The following NALCN variants were observed in gnomAD, a reference collection of about 807,000 sequenced individuals.
NALCN encodes the protein sodium leak channel NALCN.
A neutral mutation model predicts 225.3 loss-of-function variants in NALCN; 111 were observed. That is an observed-to-expected ratio of 0.49 (90% CI 0.42 to 0.58). The LOEUF (loss-of-function observed/expected upper bound fraction) is 0.58. Ranked by LOEUF, NALCN falls within the 20% of genes least tolerant of loss-of-function variation. The pLI, the probability that NALCN is intolerant of heterozygous loss-of-function variation, is 0.00. For synonymous variants in NALCN, 764 were observed against 769.0 expected, an observed-to-expected ratio of 0.99 and a Z score of 0.11; for missense variants, 1,378 against 2,202.4, an observed-to-expected ratio of 0.63 and a Z score of 7.49.
intron 9 of NALCN, 100 bp downstream of exon 9, chr13:101,291,890 G>A: frequency 8.6e-7 from 1 of 1,161,312 alleles, no homozygotes; most frequent in South Asian, 1.3e-5. Flanking sequence ...TCAGACTATA[G>A]AAGCCCATCA....
chr13:101,089,969 G>A lies in NALCN; in HGVS notation c.3270-3C>T. On this transcript the variant is annotated splice_polypyrimidine_tract_variant and splice_region_variant and intron_variant, in intron 28 of 43. Coordinates refer to ENST00000251127, the MANE Select transcript of NALCN (RefSeq NM_052867.4). This position sits in a 1 kb window ranked among gnomAD's most constrained non-coding sequence, Gnocchi z 4.7. Reference sequence around the variant, plus strand: ...AATTAAAGTTCCGAGGATTCGCCCTGCGATTCCAATACAGGAATGTTCTGT... The same window carrying A: ...AATTAAAGTTCCGAGGATTCGCCCTACGATTCCAATACAGGAATGTTCTGT... The A allele has an allele frequency of 1.9e-6, 3 of 1,613,810 alleles. No individual in the cohort carries two copies. In the South Asian group the frequency reaches 3.3e-5, roughly 18 times the overall value.
At chr13:101,271,458 G>A (rs1184902937) in intron 10 of NALCN, among the ~76,000 whole-genome samples, 1 of 151,994 alleles carries the variant, frequency 6.6e-6, no homozygotes, top group African/African-American at 2.4e-5. Context: ...CTTTCTACAT[G>A]TAGCTATTTT....
intron 40 of NALCN, among the ~76,000 whole-genome samples, chr13:101,063,927 T>C (rs910184463): frequency 3.9e-5 from 6 of 152,198 alleles, no homozygotes; most frequent in African/African-American, 1.4e-4. Flanking sequence ...TTTCTTGAAA[T>C]AATGCTTTAA....
intron 3 of NALCN, among the ~76,000 whole-genome samples, chr13:101,393,408 G>A (rs1477787823): frequency 6.6e-6 from 1 of 152,182 alleles, no homozygotes; most frequent in South Asian, 2.1e-4. Flanking sequence ...CTATTCAAGA[G>A]CACCATCTGG....
chr13:101,178,589 G>A (rs562991292), intron 14 of NALCN, among the ~76,000 whole-genome samples: 14 of 152,246 alleles, frequency 9.2e-5, no homozygotes, highest in South Asian at 6.2e-4. Flanking sequence ...CCCCTTCTCC[G>A]TAGAGGGTGG....
intron 10 of NALCN, among the ~76,000 whole-genome samples, chr13:101,275,859 A>G (rs2042952103): frequency 1.3e-5 from 2 of 151,954 alleles, no homozygotes; most frequent in East Asian, 3.9e-4. Flanking sequence ...AGGTCAGAAG[A>G]TCGAGATCAT....
At chr13:101,385,010 A>G (rs2046948495) in intron 3 of NALCN, among the ~76,000 whole-genome samples, 1 of 152,158 alleles carries the variant, frequency 6.6e-6, no homozygotes, top group Non-Finnish European at 1.5e-5. Flanking sequence ...TCAAACACAA[A>G]TCAGATTGTA....
intron 27 of NALCN, among the ~76,000 whole-genome samples, chr13:101,099,106 C>G (rs572155906): frequency 6.6e-6 from 1 of 150,482 alleles, no homozygotes; most frequent in African/African-American, 2.5e-5. Flanking sequence ...TCCTAGCAGG[C>G]TTCATCCTGA....
chr13:101,263,381 G>A (rs2042496171), intron 10 of NALCN, among the ~76,000 whole-genome samples: 2 of 152,196 alleles, frequency 1.3e-5, no homozygotes, highest in South Asian at 4.1e-4. Flanking sequence ...CTTGCATTGT[G>A]AGAGTTAAAT....
chr13:101,180,385 T>C (rs1341228462), intron 14 of NALCN: 2 of 138,128 alleles, frequency 1.4e-5, no homozygotes, highest in Admixed American at 1.4e-4. Context: ...TTTTTTTTTT[T>C]TTTATTTTTT....
intron 28 of NALCN, 115 bp from the exon 29 acceptor site, chr13:101,090,081 C>CATATAT: frequency 7.2e-7 from 1 of 1,396,760 alleles, no homozygotes; most frequent in Non-Finnish European, 9.9e-7. Context: ...TGTGTATATA[C>CATATAT]ACACACATAT....
At chr13:101,103,132 G>C (rs2034912679) in intron 26 of NALCN, 40 bp downstream of exon 26, 5 of 1,596,676 alleles carry the variant, frequency 3.1e-6, no homozygotes, top group Admixed American at 1.7e-5. Flanking sequence ...ATTAGAGGTG[G>C]ACTACTGTGA....
At chr13:101,114,425 T>TTCTCTCTCTCTC (rs10538126) in intron 18 of NALCN, among the ~76,000 whole-genome samples, 3 of 147,452 alleles carry the variant, frequency 2.0e-5, no homozygotes, top group African/African-American at 7.5e-5. Flanking sequence ...AGCATATTCA[T>TTCTCTCTCTCTC]TCTCTCTCTC....
At chr13:101,213,966 T>C (rs1267988234) in intron 13 of NALCN, among the ~76,000 whole-genome samples, 1 of 152,118 alleles carries the variant, frequency 6.6e-6, no homozygotes, top group African/African-American at 2.4e-5. Flanking sequence ...GGATTATAAA[T>C]CATGCTGCTA....
chr13:101,102,156 G>T (rs2034853957), intron 26 of NALCN, among the ~76,000 whole-genome samples: 1 of 152,052 alleles, frequency 6.6e-6, no homozygotes, highest in Admixed American at 6.6e-5. Context: ...GGTGGCACAT[G>T]CGTGTAGTCT....
chr13:101,405,921 T>C (rs1029972136), intron 1 of NALCN, among the ~76,000 whole-genome samples: 46 of 152,200 alleles, frequency 3.0e-4, no homozygotes, highest in African/African-American at 1.1e-3. Flanking sequence ...GCTCACTGGT[T>C]GATTTCAACC....
intron 7 of NALCN, among the ~76,000 whole-genome samples, chr13:101,299,597 C>A (rs927051217): frequency 6.6e-6 from 1 of 152,138 alleles, no homozygotes; most frequent in Non-Finnish European, 1.5e-5. Flanking sequence ...ACAGATAATA[C>A]AAACTTGCAA....
At chr13:101,251,055 C>T (rs553493941) in intron 11 of NALCN, among the ~76,000 whole-genome samples, 5 of 152,014 alleles carry the variant, frequency 3.3e-5, no homozygotes, top group Non-Finnish European at 7.4e-5. Flanking sequence ...TAAATTGACA[C>T]AAGCACTTTG....
At chr13:101,091,564 C>A (rs1362137027) in intron 28 of NALCN, among the ~76,000 whole-genome samples, 1 of 127,718 alleles carries the variant, frequency 7.8e-6, no homozygotes, top group Non-Finnish European at 1.7e-5. Flanking sequence ...TGGAATTCTG[C>A]TTTATATTTT....
Sources: gnomAD v4.1 joint callset for allele counts (sites outside exome capture counted in the v4.1 genomes callset) on GRCh38, gnomAD v4.1.1 for gene constraint, Gnocchi (gnomAD v3.1) non-coding constraint, MANE v1.5 for transcripts, NCBI Gene and HGNC (gene_info 2026-07-23, HGNC 2026-07-21) for gene names.